Variants in RAD51AP1 observed in about 807,000 individuals in gnomAD.
The protein encoded by RAD51AP1 is RAD51 associated protein 1, also known as RAD51-associated protein 1.
In RAD51AP1, 14 loss-of-function variants were observed where a neutral mutation model predicts 34.3. That is an observed-to-expected ratio of 0.41 (90% CI 0.27 to 0.64). The LOEUF (loss-of-function observed/expected upper bound fraction) is 0.64, where lower values mean the gene tolerates loss of function less well. RAD51AP1 is among the 30% of genes least tolerant of loss of function. The pLI is 0.33. For synonymous variants in RAD51AP1, 114 were observed against 129.8 expected, an observed-to-expected ratio of 0.88 and a Z score of 0.83; for missense variants, 348 against 386.9, an observed-to-expected ratio of 0.90 and a Z score of 0.84.
intron 5 of RAD51AP1, 111 bp from the exon 6 acceptor site, chr12:4,548,576 G>T: frequency 7.8e-7 from 1 of 1,274,362 alleles, no homozygotes; most frequent in Non-Finnish European, 1.1e-6. Flanking sequence ...AGCATGGGAG[G>T]GATGAACCTG....
intron 5 of RAD51AP1, among the ~76,000 whole-genome samples, 162 bp downstream of exon 5, chr12:4,548,340 A>G (rs1455012398): frequency 6.6e-6 from 1 of 152,192 alleles, no homozygotes; most frequent in African/African-American, 2.4e-5. Context: ...ATTCTGTCGT[A>G]CTGCAGACAC....
rs1180432401 is a variant in RAD51AP1 at position 4,551,494 on chromosome 12, C to CAAA, written c.557-1474_557-1472dup. On this transcript the variant is annotated intron_variant, in intron 6 of 8. Transcript: ENST00000352618. ...TGGGCGACAGAGTGAGGCTCCATCTCAAAAAAAAAAAAAAAAAGCAAGATT... is the reference window on the plus strand; with the variant it reads ...TGGGCGACAGAGTGAGGCTCCATCTCAAAAAAAAAAAAAAAAAAAAGCAAGATT... Among the ~76,000 whole-genome samples, 225 of 79,332 alleles carry CAAA rather than the reference C, an allele frequency of 2.8e-3. 6 individuals carry two copies. Among genetic ancestry groups the CAAA allele is most frequent in the African/African-American group, 9.5e-3 (209 of 22,060 alleles). 52.0% of individuals were successfully genotyped at this position (79,332 alleles called of 152,430 possible). A position where few individuals can be genotyped will look rare whatever the true frequency, so the allele number is the denominator to read the frequency against.
chr12:4,547,307 T>A (rs1944513573), intron 4 of RAD51AP1, among the ~76,000 whole-genome samples: 1 of 152,192 alleles, frequency 6.6e-6, no homozygotes, highest in Admixed American at 6.5e-5. Flanking sequence ...CAAGCAATCC[T>A]CCTGCCTCAG....
chr12:4,552,209 C>A (rs1944551775), intron 6 of RAD51AP1, among the ~76,000 whole-genome samples: 1 of 152,092 alleles, frequency 6.6e-6, no homozygotes, highest in Admixed American at 6.5e-5. Context: ...ACCCTATTTA[C>A]ACTTAGTTTT....
rs1381831366 is a variant in RAD51AP1 at position 4,553,104 on chromosome 12, A to G, written c.678A>G (p.Val226=). 1.3e-6 allele frequency: 2 copies of G among 1,598,678 alleles called. No homozygotes were observed. The highest frequency in any genetic ancestry group is 1.7e-6 in the Non-Finnish European group (2 of 1,175,184). ...AAGAAGTGAAGGTAAAATCCCCAGT[A>G]GAAAAGAAAGAGAAGAAATCTAAAT... is the stretch of plus-strand genomic sequence containing the variant. ...KKKEVKVKSP[V]EKKEKKSKSK... The change falls in exon 7 of 9, where the codon GTA becomes GTG. Residue 226 remains valine, a synonymous_variant. Transcript: ENST00000352618.
intron 7 of RAD51AP1, among the ~76,000 whole-genome samples, chr12:4,556,008 G>C (rs1390994134): frequency 6.6e-6 from 1 of 152,152 alleles, no homozygotes; most frequent in Admixed American, 6.5e-5. Flanking sequence ...TACAAGGATG[G>C]GATTTTGGAG....
At chr12:4,545,906 A>T (rs759992461) in intron 3 of RAD51AP1, 1 of 1,527,054 alleles carries the variant, frequency 6.5e-7, no homozygotes, top group Non-Finnish European at 9.0e-7. Context: ...AATAATTTTA[A>T]TTTAATGTAA....
At chr12:4,548,557 A>G in intron 5 of RAD51AP1, 130 bp from the exon 6 acceptor site, 4 of 1,099,086 alleles carry the variant, frequency 3.6e-6, no homozygotes, top group South Asian at 1.6e-5. Flanking sequence ...CTAATAGTCT[A>G]TTACTGGAAG....
At position 4,548,082 on chromosome 12, in the gene RAD51AP1, T is replaced by G. The variant is rs1344814729; in HGVS notation, c.320-10T>G. ...ATATCTGAATTTTCTTTCTTATTCC[T>G]TATATTTAGGCATTGAAAAACATGG... On this transcript the variant is annotated splice_polypyrimidine_tract_variant and intron_variant, in intron 4 of 8. Coordinates refer to ENST00000352618, the MANE Select transcript of RAD51AP1 (RefSeq NM_006479.5). The G allele has an allele frequency of 6.3e-7, 1 of 1,580,832 alleles. No individual in the cohort carries two copies.
At chr12:4,542,879 A>G (rs1031211522) in intron 2 of RAD51AP1, among the ~76,000 whole-genome samples, 3 of 152,236 alleles carry the variant, frequency 2.0e-5, no homozygotes, top group Non-Finnish European at 4.4e-5. Flanking sequence ...TGGACTGGAA[A>G]AGAACATCCT....
At chr12:4,553,263 T>A in intron 7 of RAD51AP1, 116 bp downstream of exon 7, 1 of 917,732 alleles carries the variant, frequency 1.1e-6, no homozygotes, top group Non-Finnish European at 1.5e-6. Context: ...CCATTTCTTG[T>A]TAAAATATGT....
At chr12:4,550,448 G>A (rs1261021564) in intron 6 of RAD51AP1, 1 of 152,230 alleles carries the variant, frequency 6.6e-6, no homozygotes, top group South Asian at 2.1e-4. Flanking sequence ...AGCTTCTTAG[G>A]ATTGCTTGAA....
intron 2 of RAD51AP1, 66 bp downstream of exon 2, chr12:4,541,999 A>T (rs1944470074): frequency 1.8e-6 from 2 of 1,090,534 alleles, no homozygotes; most frequent in East Asian, 2.8e-5. Flanking sequence ...TTTATATGAC[A>T]TATATAGCTC....
rs1370840779 is a variant in RAD51AP1 at position 4,546,338 on chromosome 12, G to C, written c.239G>C (p.Arg80Thr). ...GCTTTAGATGACAAGCTCTACCAGA[G>C]AGACTTAGAAGTTGCACTAGCTTTA... is the stretch of plus-strand genomic sequence containing the variant. ...RMALDDKLYQ[R>T]DLEVALALSV... Residue 80 changes from arginine (R) to threonine (T), a missense_variant, in exon 4 of 9, where the codon AGA (arginine) becomes ACA (threonine). By Grantham distance (71) the Arg-to-Thr change is moderately conservative. Coordinates refer to ENST00000352618, the MANE Select transcript of RAD51AP1 (RefSeq NM_006479.5). 1.2e-6 allele frequency: 2 copies of C among 1,611,922 alleles called. No homozygotes were observed. The highest frequency in any genetic ancestry group is 2.7e-5 in the African/African-American group (2 of 74,878).
intron 6 of RAD51AP1, 99 bp from the exon 7 acceptor site, chr12:4,552,884 C>A (rs763777864): frequency 7.2e-5 from 84 of 1,159,994 alleles, no homozygotes; most frequent in Non-Finnish European, 9.0e-5. Flanking sequence ...AACAGTGCAG[C>A]ACAAAGGTGC....
chr12:4,548,787 A>G lies in RAD51AP1; in HGVS notation c.507A>G (p.Glu169=), dbSNP rs141058015. The G allele has an allele frequency of 4.5e-5, 73 of 1,613,998 alleles. No homozygotes were observed. Among genetic ancestry groups the G allele is most frequent in the Non-Finnish European group, 5.3e-5 (63 of 1,179,970 alleles). Reference sequence around the variant, plus strand: ...CACAGCAGAGGAAGATTCTTCTGGAAGGCAGTGATGGTGATAGTGCTAATG... The same window carrying G: ...CACAGCAGAGGAAGATTCTTCTGGAGGGCAGTGATGGTGATAGTGCTAATG... The part of the protein sequence containing the change: ...AAAQQRKILL[E]GSDGDSANDT... The change falls in exon 6 of 9, where the codon GAA becomes GAG. Residue 169 remains glutamate, a synonymous_variant. Coordinates refer to ENST00000352618, the MANE Select transcript of RAD51AP1 (RefSeq NM_006479.5).
intron 5 of RAD51AP1, 138 bp from the exon 6 acceptor site, chr12:4,548,549 A>G (rs930994800): frequency 9.9e-7 from 1 of 1,011,628 alleles, no homozygotes; most frequent in Non-Finnish European, 1.4e-6. Flanking sequence ...AGATTGGGCT[A>G]ATAGTCTATT....
At chr12:4,540,334 G>C (rs1944455564) in intron 1 of RAD51AP1, among the ~76,000 whole-genome samples, 1 of 152,102 alleles carries the variant, frequency 6.6e-6, no homozygotes, top group Non-Finnish European at 1.5e-5. Flanking sequence ...GTTAAAGTAT[G>C]GTCTACAGAC....
chr12:4,548,501 G>A (rs1944522998), intron 5 of RAD51AP1, among the ~76,000 whole-genome samples, 186 bp from the exon 6 acceptor site: 1 of 152,196 alleles, frequency 6.6e-6, no homozygotes, highest in Admixed American at 6.5e-5. Flanking sequence ...CCTAAAACTA[G>A]AGGTGTTCCC....
Sources: gnomAD v4.1 joint callset for allele counts (sites outside exome capture counted in the v4.1 genomes callset) on GRCh38, gnomAD v4.1.1 for gene constraint, MANE v1.5 for transcripts, NCBI Gene and HGNC (gene_info 2026-07-23, HGNC 2026-07-21) for gene names.